Variants in ATP13A5 observed in about 807,000 individuals in gnomAD.
ATP13A5 encodes ATPase 13A5, also known as probable cation-transporting ATPase 13A5.
Under a neutral mutation model 150.2 loss-of-function variants are expected in ATP13A5, and 149 were observed. The observed-to-expected ratio is 0.99, with a 90% CI of 0.87 to 1.14. The LOEUF (loss-of-function observed/expected upper bound fraction) is 1.14, where lower values mean the gene tolerates loss of function less well. Ranked by LOEUF, ATP13A5 falls within the 50% of genes most tolerant of loss-of-function variation. The probability of loss-of-function intolerance (pLI) is 0.00; values close to 1 mark genes in which losing one functional copy is unlikely to be tolerated. For missense variants in ATP13A5, 1,383 were observed against 1,449.3 expected (o/e 0.95, Z 0.74); for synonymous variants, 497 against 522.2 (o/e 0.95, Z 0.66).
intron 26 of ATP13A5, among the ~76,000 whole-genome samples, chr3:193,285,907 G>A (rs140967473): frequency 8.4e-4 from 128 of 152,250 alleles, no homozygotes; most frequent in Middle Eastern, 6.8e-3. Context: ...CACATAGCAA[G>A]CTCATTGTTT....
intron 24 of ATP13A5, 65 bp downstream of exon 24, chr3:193,301,146 C>T (rs1391966059): frequency 8.0e-7 from 1 of 1,251,206 alleles, no homozygotes; most frequent in African/African-American, 1.5e-5. Context: ...AGGAGCTACA[C>T]CCTGAATAAT....
At position 193,362,648 on chromosome 3, in the gene ATP13A5, A is replaced by C; in HGVS notation, c.385-11T>G. 3 of 1,613,806 alleles carry C rather than the reference A, an allele frequency of 1.9e-6. No individual in the cohort carries two copies. The highest frequency in any genetic ancestry group is 2.5e-6 in the Non-Finnish European group (3 of 1,179,662). On this transcript the variant is annotated splice_polypyrimidine_tract_variant and intron_variant, in intron 3 of 29. Transcript: ENST00000342358. ...TTCCATGCACCGCAGCTACGATTGC[A>C]AATGTGATAGAGCAGGTGTCATTCA...
At chr3:193,354,234 A>C (rs370549726) in intron 5 of ATP13A5, 38 bp from the exon 6 acceptor site, 489 of 1,580,174 alleles carry the variant, frequency 3.1e-4, no homozygotes, top group Non-Finnish European at 3.9e-4. Flanking sequence ...TCATAGCTAC[A>C]AGCACATGAT....
At chr3:193,342,970 C>T (rs1055103617) in intron 9 of ATP13A5, among the ~76,000 whole-genome samples, 5 of 152,124 alleles carry the variant, frequency 3.3e-5, no homozygotes, top group African/African-American at 1.2e-4. Flanking sequence ...CATTTCAACA[C>T]ATTAAAGGAG....
At chr3:193,362,326 G>T in intron 5 of ATP13A5, 55 bp downstream of exon 5, 1 of 1,458,914 alleles carries the variant, frequency 6.9e-7, no homozygotes, top group South Asian at 1.2e-5. Flanking sequence ...TAACTGATTT[G>T]ATACTTCATT....
At chr3:193,315,504 T>G (rs1560128876) in intron 17 of ATP13A5, among the ~76,000 whole-genome samples, 1 of 152,214 alleles carries the variant, frequency 6.6e-6, no homozygotes, top group Non-Finnish European at 1.5e-5. Flanking sequence ...GACACGATAG[T>G]AGTAGTTGAA....
At chr3:193,314,361 A>G in intron 18 of ATP13A5, 168 bp from the exon 19 acceptor site, 1 of 637,276 alleles carries the variant, frequency 1.6e-6, no homozygotes, top group Non-Finnish European at 2.7e-6. Context: ...GGCAAACACT[A>G]TGTTCCCATC....
chr3:193,310,335 T>G (rs1361960675), intron 21 of ATP13A5, among the ~76,000 whole-genome samples: 1 of 152,228 alleles, frequency 6.6e-6, no homozygotes. Flanking sequence ...AACAGTCACA[T>G]GCATGTGTCT....
rs755637482 is a variant in ATP13A5 at position 193,363,317 on chromosome 3, A to G, written c.303T>C (p.Pro101=). The change falls in exon 3 of 30, where the codon CCT becomes CCC. Residue 101 remains proline, a synonymous_variant. Transcript: ENST00000342358. ...GGGATTCTTCCCACTTCTTGCTTAC[A>G]GGAAACTTCAGTGTGGATAAGTAGA... is the stretch of plus-strand genomic sequence containing the variant. The part of the protein sequence containing the change: ...FCLYLSTLKF[P]VSKKWEESLV... 4 of 1,613,852 alleles carry G rather than the reference A, an allele frequency of 2.5e-6. No homozygotes were observed. The highest frequency in any genetic ancestry group is 3.4e-6 in the Non-Finnish European group (4 of 1,179,864).
At chr3:193,358,501 A>C (rs1712877953) in intron 5 of ATP13A5, among the ~76,000 whole-genome samples, 1 of 152,342 alleles carries the variant, frequency 6.6e-6, no homozygotes, top group African/African-American at 2.4e-5. Context: ...AAATTGCTTT[A>C]TGGAAGGAAA....
chr3:193,277,470 AC>A (rs1717274174), intron 28 of ATP13A5, among the ~76,000 whole-genome samples: 1 of 152,096 alleles, frequency 6.6e-6, no homozygotes, highest in Admixed American at 6.6e-5. Context: ...TTTTTCTGAG[AC>A]CCCACCCAAG....
intron 27 of ATP13A5, 78 bp downstream of exon 27, chr3:193,284,825 CCCATCATTTCA>C: frequency 9.3e-7 from 1 of 1,077,962 alleles, no homozygotes; most frequent in Non-Finnish European, 1.3e-6. Context: ...TCTTCCTCAG[CCCATCATTTCA>C]CCAGTGAGGT....
intron 12 of ATP13A5, among the ~76,000 whole-genome samples, chr3:193,327,460 TGTTCA>T (rs1719506868): frequency 6.6e-6 from 1 of 152,212 alleles, no homozygotes; most frequent in African/African-American, 2.4e-5. Flanking sequence ...TTTTCGAGAC[TGTTCA>T]GTTCACAGTT....
At chr3:193,360,801 T>A (rs1264184097) in intron 5 of ATP13A5, among the ~76,000 whole-genome samples, 3 of 152,108 alleles carry the variant, frequency 2.0e-5, no homozygotes, top group African/African-American at 7.2e-5. Flanking sequence ...CTCAGCCTCC[T>A]GAGTAGCTGG....
intron 26 of ATP13A5, among the ~76,000 whole-genome samples, chr3:193,288,703 C>T (rs914337937): frequency 6.6e-6 from 1 of 151,980 alleles, no homozygotes; most frequent in Non-Finnish European, 1.5e-5. Flanking sequence ...ATATCTCTGA[C>T]GTAGGCCTGT....
intron 20 of ATP13A5, 32 bp from the exon 21 acceptor site, chr3:193,310,749 T>C (rs752812847): frequency 5.8e-6 from 9 of 1,539,890 alleles, no homozygotes; most frequent in Non-Finnish European, 7.9e-6. Context: ...TGCAATATGA[T>C]TGGGAAGAAG....
chr3:193,282,078 C>T (rs1331244216), intron 27 of ATP13A5, among the ~76,000 whole-genome samples: 1 of 151,960 alleles, frequency 6.6e-6, no homozygotes, highest in East Asian at 2.0e-4. Context: ...CACCTGTAAT[C>T]CCAGCTACTT....
rs1711735705 is a variant in ATP13A5 at position 193,333,786 on chromosome 3, A to G, written c.1236T>C (p.Gly412=). 8 of 1,613,778 alleles carry G rather than the reference A, an allele frequency of 5.0e-6. No homozygotes were observed. In the East Asian group the frequency reaches 1.6e-4, roughly 31 times the overall value. The part of the protein sequence containing the change: ...IVFLACLGVM[G]FFYALGVYMY... Reference sequence around the variant, plus strand: ...TATATACCCCTAGGGCATAGAAAAAACCCATGACACCAAGGCAGGCCAGGA... The same window carrying G: ...TATATACCCCTAGGGCATAGAAAAAGCCCATGACACCAAGGCAGGCCAGGA... The change falls in exon 11 of 30, where the codon GGT becomes GGC. Residue 412 remains glycine, a synonymous_variant. Coordinates refer to ENST00000342358, the MANE Select transcript of ATP13A5 (RefSeq NM_198505.4).
chr3:193,279,587 T>A (rs1205648260), intron 27 of ATP13A5, 133 bp from the exon 28 acceptor site: 4 of 660,462 alleles, frequency 6.1e-6, no homozygotes, highest in East Asian at 2.8e-5. Context: ...TATCCTCATA[T>A]GTTTTGAAAT....
Sources: allele counts gnomAD v4.1 joint callset (sites outside exome capture counted in the v4.1 genomes callset), GRCh38; gene constraint gnomAD v4.1.1; transcripts MANE v1.5; gene names NCBI Gene and HGNC (gene_info 2026-07-23, HGNC 2026-07-21).